Variants in KIAA1217 observed in about 807,000 individuals in gnomAD.
KIAA1217 encodes the protein sickle tail protein homolog.
In KIAA1217, 88 loss-of-function variants were observed where a neutral mutation model predicts 163.9. The observed-to-expected ratio is 0.54, with a 90% CI of 0.45 to 0.64. The LOEUF (loss-of-function observed/expected upper bound fraction) is 0.64, where lower values mean the gene tolerates loss of function less well. Among genes scored for constraint, KIAA1217 ranks in the 30% least tolerant of loss-of-function variants. The pLI is 0.00. For missense variants in KIAA1217, 2,372 were observed against 2,475.0 expected, an observed-to-expected ratio of 0.96 and a Z score of 0.88; for synonymous variants, 903 against 923.1, an observed-to-expected ratio of 0.98 and a Z score of 0.39.
intron 2 of KIAA1217, among the ~76,000 whole-genome samples, chr10:24,233,181 G>T (rs1266999238): frequency 6.6e-6 from 1 of 151,990 alleles, no homozygotes. Context: ...CCCTCTCTTA[G>T]TCCATTTGTG....
chr10:24,313,490 C>T (rs1420690309), intron 2 of KIAA1217, among the ~76,000 whole-genome samples: 1 of 152,066 alleles, frequency 6.6e-6, no homozygotes. Context: ...GATGTGACTG[C>T]GGAAATATTA....
At chr10:24,119,376 A>T (rs2063188226) in intron 2 of KIAA1217, among the ~76,000 whole-genome samples, 1 of 152,222 alleles carries the variant, frequency 6.6e-6, no homozygotes, top group Non-Finnish European at 1.5e-5. Context: ...TAGAGAGTAA[A>T]CTTAGCTAAA....
intron 1 of KIAA1217, among the ~76,000 whole-genome samples, chr10:23,957,411 T>A (rs1044755189): frequency 1.3e-5 from 2 of 152,182 alleles, no homozygotes; most frequent in African/African-American, 2.4e-5. Context: ...TTACCTTAAA[T>A]ATTATTTTCT....
intron 2 of KIAA1217, among the ~76,000 whole-genome samples, chr10:24,363,581 T>C (rs1433330974): frequency 6.6e-6 from 1 of 151,296 alleles, no homozygotes; most frequent in Non-Finnish European, 1.5e-5. Flanking sequence ...TTTTTTTTTT[T>C]TGAAACAGGG....
chr10:24,467,763 T>A (rs541436315), intron 5 of KIAA1217, among the ~76,000 whole-genome samples: 1 of 152,122 alleles, frequency 6.6e-6, no homozygotes, highest in South Asian at 2.1e-4. Context: ...GGGACTGGGA[T>A]ATATTAATGT....
intron 1 of KIAA1217, among the ~76,000 whole-genome samples, chr10:23,920,263 A>C (rs192991602): frequency 6.6e-6 from 1 of 152,170 alleles, no homozygotes; most frequent in African/African-American, 2.4e-5. Flanking sequence ...GTAGGGTTTC[A>C]TTTGTGACCA....
At chr10:24,384,610 C>A (rs968416829) in intron 3 of KIAA1217, among the ~76,000 whole-genome samples, 5 of 152,230 alleles carry the variant, frequency 3.3e-5, no homozygotes, top group African/African-American at 1.2e-4. Context: ...GATCTCGGCT[C>A]ACCGCAATCT....
chr10:24,244,625 C>T (rs976144671), intron 2 of KIAA1217, among the ~76,000 whole-genome samples: 6 of 140,056 alleles, frequency 4.3e-5, no homozygotes, highest in African/African-American at 1.3e-4. Context: ...AGTGCAGTGG[C>T]GAGATGTCCG....
chr10:24,008,821 G>A (rs374886723), intron 2 of KIAA1217, among the ~76,000 whole-genome samples: 5 of 152,290 alleles, frequency 3.3e-5, no homozygotes, highest in Non-Finnish European at 7.4e-5. Flanking sequence ...GCCGTAACAC[G>A]AGGGAGCAGA....
intron 1 of KIAA1217, among the ~76,000 whole-genome samples, chr10:23,996,464 A>G (rs1225807201): frequency 6.6e-6 from 1 of 152,178 alleles, no homozygotes; most frequent in Non-Finnish European, 1.5e-5. Flanking sequence ...ACAACGGCAG[A>G]AACTGTTATT....
intron 1 of KIAA1217, among the ~76,000 whole-genome samples, chr10:23,744,769 A>G (rs1431771726): frequency 6.6e-6 from 1 of 152,204 alleles, no homozygotes; most frequent in African/African-American, 2.4e-5. Context: ...TCACATGATT[A>G]TGGAGGCTGG....
intron 1 of KIAA1217, among the ~76,000 whole-genome samples, chr10:23,864,369 G>A (rs1840086187): frequency 6.6e-6 from 1 of 151,938 alleles, no homozygotes; most frequent in Non-Finnish European, 1.5e-5. Context: ...AGACCCTTCA[G>A]TATCTTCTCT....
chr10:24,130,503 A>AT (rs1366375759), intron 2 of KIAA1217, among the ~76,000 whole-genome samples: 1 of 152,180 alleles, frequency 6.6e-6, no homozygotes, highest in African/African-American at 2.4e-5. Context: ...GCAGTTAATG[A>AT]TGATGGTAGT....
chr10:23,894,370 T>C (rs1200463950), intron 1 of KIAA1217, among the ~76,000 whole-genome samples: 1 of 151,456 alleles, frequency 6.6e-6, no homozygotes, highest in Non-Finnish European at 1.5e-5. Flanking sequence ...AGCCAAATCA[T>C]GAGTGAACTC....
chr10:23,710,690 C>T lies in KIAA1217; in HGVS notation c.-321+15456C>T, dbSNP rs150329588. On this transcript the variant is annotated intron_variant, in intron 1 of 18. Transcript: ENST00000376462. The stretch of plus-strand genomic sequence containing the variant: ...CAGTTCAAGTTGTGTTGAACTTTTA[C>T]TCAAATAAAGATTTATATAGCTGTG... 1.3e-4 allele frequency among the ~76,000 whole-genome samples: 20 copies of T among 152,240 alleles called. No homozygotes were observed. The East Asian group carries it at 3.7e-3, about 28-fold the overall frequency.
intron 1 of KIAA1217, among the ~76,000 whole-genome samples, chr10:23,912,489 C>A (rs1455044277): frequency 6.6e-6 from 1 of 152,104 alleles, no homozygotes; most frequent in Admixed American, 6.6e-5. Flanking sequence ...CCCTCTCCTA[C>A]TTTTTCCCCT....
At chr10:24,468,102 C>G (rs138609855) in intron 5 of KIAA1217, among the ~76,000 whole-genome samples, 1 of 152,292 alleles carries the variant, frequency 6.6e-6, no homozygotes, top group Non-Finnish European at 1.5e-5. Context: ...CTGCTTCCAT[C>G]TATCAGATTC....
intron 5 of KIAA1217, among the ~76,000 whole-genome samples, chr10:24,447,352 C>T (rs951880937): frequency 2.4e-4 from 36 of 152,178 alleles, no homozygotes; most frequent in African/African-American, 8.2e-4. Context: ...CTCGTCATTA[C>T]ATTAGGTATA....
intron 2 of KIAA1217, among the ~76,000 whole-genome samples, chr10:24,287,215 A>G (rs2078631622): frequency 6.6e-6 from 1 of 152,016 alleles, no homozygotes; most frequent in Non-Finnish European, 1.5e-5. Context: ...ACGCCGAGCT[A>G]ATTTTTTGTA....
Sources: allele counts gnomAD v4.1 joint callset (sites outside exome capture counted in the v4.1 genomes callset), GRCh38; gene constraint gnomAD v4.1.1; transcripts MANE v1.5; gene names NCBI Gene and HGNC (gene_info 2026-07-23, HGNC 2026-07-21).